The following BCKDHB variants were observed in gnomAD, a reference collection of about 807,000 sequenced individuals.
BCKDHB encodes the protein branched chain keto acid dehydrogenase E1 subunit beta, also known as 2-oxoisovalerate dehydrogenase subunit beta, mitochondrial.
BCKDHB carries 41 observed loss-of-function variants against 48.5 expected under a neutral mutation model. That is an observed-to-expected ratio of 0.85 (90% confidence interval 0.66 to 1.10). The LOEUF (loss-of-function observed/expected upper bound fraction) is 1.10, where lower values mean the gene tolerates loss of function less well. Ranked by LOEUF, BCKDHB falls within the 50% of genes least tolerant of loss-of-function variation. The pLI, the probability that BCKDHB is intolerant of heterozygous loss-of-function variation, is 0.00. For missense variants in BCKDHB, 496 were observed against 494.2 expected (o/e 1.00, Z -0.03); for synonymous variants, 201 against 174.8 (o/e 1.15, Z -1.18).
chr6:80,212,163 G>A (rs1052685978), intron 8 of BCKDHB, among the ~76,000 whole-genome samples: 1 of 152,088 alleles, frequency 6.6e-6, no homozygotes, highest in African/African-American at 2.4e-5. Context: ...AGAAAACGGG[G>A]TTCAAGAGCA....
intron 8 of BCKDHB, among the ~76,000 whole-genome samples, chr6:80,260,125 A>C (rs1336809270): frequency 2.6e-5 from 4 of 152,168 alleles, no homozygotes; most frequent in Non-Finnish European, 4.4e-5. Flanking sequence ...CTGGTTCTAG[A>C]CACCACTCTC....
the BCKDHB span, among the ~76,000 whole-genome samples, chr6:80,451,720 C>A: frequency 2.7e-5 from 4 of 148,794 alleles, no homozygotes; most frequent in Admixed American, 1.3e-4. Context: ...CAGAGTGAGA[C>A]TCTGTCTCAA....
the BCKDHB span, among the ~76,000 whole-genome samples, chr6:80,426,771 T>C: frequency 6.6e-6 from 1 of 152,156 alleles, no homozygotes; most frequent in African/African-American, 2.4e-5. Context: ...GCTAAGTGTT[T>C]ACCTGAAAAA....
intron 8 of BCKDHB, among the ~76,000 whole-genome samples, chr6:80,265,229 G>A (rs1453876588): frequency 1.3e-5 from 2 of 151,960 alleles, no homozygotes; most frequent in African/African-American, 4.8e-5. Flanking sequence ...GTGAAAGCAG[G>A]GACTCAAACA....
chr6:80,463,379 A>G, the BCKDHB span, among the ~76,000 whole-genome samples: 1 of 152,200 alleles, frequency 6.6e-6, no homozygotes, highest in Admixed American at 6.5e-5. Flanking sequence ...TTCTTTGGCA[A>G]TGAAAAGTAT....
chr6:80,273,432 G>A (rs1267770092), intron 9 of BCKDHB, among the ~76,000 whole-genome samples: 1 of 151,904 alleles, frequency 6.6e-6, no homozygotes, highest in Non-Finnish European at 1.5e-5. Context: ...TAATTTTCTA[G>A]AACAGATATC....
chr6:80,283,270 T>A (rs1235956559), intron 9 of BCKDHB, among the ~76,000 whole-genome samples: 3 of 152,132 alleles, frequency 2.0e-5, no homozygotes, highest in Admixed American at 2.0e-4. Context: ...CACTGCTTAT[T>A]TTCCATCCCT....
the BCKDHB span, chr6:80,454,115 CT>C: frequency 6.6e-6 from 1 of 152,186 alleles, no homozygotes; most frequent in Non-Finnish European, 1.5e-5. Flanking sequence ...TGAAGGGTGG[CT>C]TTGAAATCAG....
chr6:80,141,756 G>C (rs1338748049), intron 3 of BCKDHB, among the ~76,000 whole-genome samples: 1 of 152,082 alleles, frequency 6.6e-6, no homozygotes, highest in East Asian at 1.9e-4. Context: ...ATGAGACCAT[G>C]TGTATTTTAT....
chr6:80,427,773 G>A, the BCKDHB span, among the ~76,000 whole-genome samples: 106 of 152,230 alleles, frequency 7.0e-4, no homozygotes, highest in African/African-American at 2.5e-3. Context: ...CTTTGAAGAT[G>A]TTATACCACT....
intron 1 of BCKDHB, among the ~76,000 whole-genome samples, chr6:80,124,576 T>C (rs1770236206): frequency 6.6e-6 from 1 of 152,184 alleles, no homozygotes; most frequent in Admixed American, 6.5e-5. Flanking sequence ...TGCTCCTGTA[T>C]TGGGTGCATA....
chr6:80,220,199 T>C (rs1278307725), intron 8 of BCKDHB, among the ~76,000 whole-genome samples: 1 of 151,928 alleles, frequency 6.6e-6, no homozygotes, highest in African/African-American at 2.4e-5. Flanking sequence ...TTTTACAGTG[T>C]TTTGCATATT....
intron 8 of BCKDHB, among the ~76,000 whole-genome samples, chr6:80,241,223 A>G (rs182201535): frequency 1.9e-4 from 29 of 152,162 alleles, no homozygotes; most frequent in African/African-American, 6.0e-4. Flanking sequence ...GAAGTTTGTT[A>G]TTACTGATCT....
rs141998844 is a variant in BCKDHB, at chr6:80,172,178, T to G, written c.742+788T>G. Among the ~76,000 whole-genome samples, 262 of 152,206 alleles carry G rather than the reference T, an allele frequency of 1.7e-3. 1 individual carries two copies. Among genetic ancestry groups the G allele is most frequent in the African/African-American group, 6.0e-3 (248 of 41,556 alleles). On this transcript the variant is annotated intron_variant, in intron 6 of 9. Transcript: ENST00000320393. ...AATGCTTTTGAGATTCATTCATGTTTTTGCTTGTATCAGTAGTTTATTCAC... is the reference window on the plus strand; with the variant it reads ...AATGCTTTTGAGATTCATTCATGTTGTTGCTTGTATCAGTAGTTTATTCAC...
chr6:80,280,205 T>A lies in BCKDHB; in HGVS notation c.1038+6984T>A, dbSNP rs534286656. 2.0e-5 allele frequency among the ~76,000 whole-genome samples: 3 copies of A among 152,320 alleles called. No individual in the cohort carries two copies. In the East Asian group the frequency reaches 5.8e-4, roughly 29 times the overall value. ...AGAGTAAAGCCAGCTCACATAGATG[T>A]AACTTCCAGTTTTCTCATGTAATAT... On this transcript the variant is annotated intron_variant, in intron 9 of 9. Coordinates refer to ENST00000320393, the MANE Select transcript of BCKDHB (RefSeq NM_183050.4).
chr6:80,174,545 A>T (rs1484653674), intron 6 of BCKDHB, among the ~76,000 whole-genome samples: 1 of 152,136 alleles, frequency 6.6e-6, no homozygotes, highest in Non-Finnish European at 1.5e-5. Context: ...CATTTAGTTG[A>T]AAAAAATTTG....
At chr6:80,390,778 CTAAG>C in the BCKDHB span, among the ~76,000 whole-genome samples, 2 of 152,046 alleles carry the variant, frequency 1.3e-5, no homozygotes, top group African/African-American at 4.8e-5. Context: ...ATGGTTAATA[CTAAG>C]TGTCAATGTG....
intron 9 of BCKDHB, among the ~76,000 whole-genome samples, chr6:80,320,736 C>T (rs932463): frequency 0.91 from 138,315 of 152,282 alleles, 62,889 homozygotes; most frequent in East Asian, 0.99. Context: ...ATGATTTTTG[C>T]AAATGACATT....
At chr6:80,342,729 C>T (rs1769980884) in intron 9 of BCKDHB, among the ~76,000 whole-genome samples, 1 of 152,062 alleles carries the variant, frequency 6.6e-6, no homozygotes, top group African/African-American at 2.4e-5. Context: ...ATCGAGGTTG[C>T]AGTGAGCCGT....
Sources: allele counts gnomAD v4.1 joint callset (sites outside exome capture counted in the v4.1 genomes callset), GRCh38; gene constraint gnomAD v4.1.1; transcripts MANE v1.5; gene names NCBI Gene and HGNC (gene_info 2026-07-23, HGNC 2026-07-21).